Variants in UGT1A8 observed in about 807,000 individuals in gnomAD.
The protein encoded by UGT1A8 is UDP glucuronosyltransferase family 1 member A8, also known as UDP-glucuronosyltransferase 1A8.
In UGT1A8, 39 loss-of-function variants were observed where a neutral mutation model predicts 45.3. The observed-to-expected ratio is 0.86, with a 90% CI of 0.67 to 1.12. The LOEUF is 1.12. UGT1A8 is among the 50% of genes most tolerant of loss of function. The probability of loss-of-function intolerance (pLI) is 0.00; values close to 1 mark genes in which losing one functional copy is unlikely to be tolerated. For synonymous variants in UGT1A8, 275 were observed against 249.2 expected (o/e 1.10, Z -0.97); for missense variants, 719 against 664.9 (o/e 1.08, Z -0.90).
chr2:233,618,623 T>C, intron 1 of UGT1A8, 61 bp downstream of exon 1: 1 of 1,540,558 alleles, frequency 6.5e-7, no homozygotes, highest in Non-Finnish European at 8.7e-7. Context: ...AAAAAAAGAT[T>C]CCTTACTGAA....
At chr2:233,661,244 G>C (rs1316437613) in intron 1 of UGT1A8, among the ~76,000 whole-genome samples, 2 of 151,656 alleles carry the variant, frequency 1.3e-5, no homozygotes, top group Non-Finnish European at 2.9e-5. Flanking sequence ...TTTTGGTCTT[G>C]AATTTGTTGA....
At chr2:233,688,902 G>C (rs1305603391) in intron 1 of UGT1A8, among the ~76,000 whole-genome samples, 2 of 152,140 alleles carry the variant, frequency 1.3e-5, no homozygotes, top group African/African-American at 2.4e-5. Flanking sequence ...AGAAGTTGGG[G>C]GGATGGTGTG....
intron 1 of UGT1A8, chr2:233,740,811 C>T (rs1350970609): frequency 1.3e-5 from 2 of 151,872 alleles, no homozygotes; most frequent in Admixed American, 1.3e-4. Flanking sequence ...TAGCACTGTT[C>T]TGTTTTTGAG....
chr2:233,741,661 C>T (rs1691734186), intron 1 of UGT1A8: 1 of 151,910 alleles, frequency 6.6e-6, no homozygotes, highest in African/African-American at 2.4e-5. Flanking sequence ...CTGCCATGTT[C>T]CTGCTGTTTA....
At chr2:233,643,828 G>T (rs2073527308) in intron 1 of UGT1A8, among the ~76,000 whole-genome samples, 1 of 152,162 alleles carries the variant, frequency 6.6e-6, no homozygotes, top group Admixed American at 6.5e-5. Context: ...CCCAGGGTGT[G>T]TTCAGAAATG....
chr2:233,736,925 G>A lies in UGT1A8; in HGVS notation c.856-30109G>A, dbSNP rs188632907. Among the ~76,000 whole-genome samples, 72 of 152,232 alleles carry A rather than the reference G, an allele frequency of 4.7e-4. 1 individual carries two copies. The Middle Eastern group carries it at 0.014, about 29-fold the overall frequency. On this transcript the variant is annotated intron_variant, in intron 1 of 4. Coordinates refer to ENST00000373450, the MANE Select transcript of UGT1A8 (RefSeq NM_019076.5). ...CCTCTGGAAGCTTCATACCAGAGGC[G>A]CACCCACCTATATGAGGTGTCTGTT...
chr2:233,630,830 C>G (rs2073173329), intron 1 of UGT1A8, among the ~76,000 whole-genome samples: 1 of 147,692 alleles, frequency 6.8e-6, no homozygotes. Flanking sequence ...TTTTCCTGCT[C>G]TAAAACTCTT....
Position 233,618,261 on chromosome 2 carries a change from C to T in UGT1A8, c.554C>T (p.Ala185Val), listed in dbSNP as rs1559310363. The T allele has an allele frequency of 3.1e-6, 5 of 1,613,932 alleles. No homozygotes were observed. Among genetic ancestry groups the T allele is most frequent in the Non-Finnish European group, 4.2e-6 (5 of 1,179,862 alleles). ...CTTGAAGAAGGTGCACAGTGCCCTG[C>T]TCCTCTTTCCTATGTCCCCAGAATT... ...HYLEEGAQCPAPLSYVPRILL... is the reference protein window; with the variant it reads ...HYLEEGAQCPVPLSYVPRILL... Residue 185 changes from alanine (A) to valine (V), a missense_variant, in exon 1 of 5, where the codon GCT (alanine) becomes GTT (valine). Coordinates refer to ENST00000373450, the MANE Select transcript of UGT1A8 (RefSeq NM_019076.5).
At position 233,743,134 on chromosome 2, in the gene UGT1A8, TA is replaced by T. The variant is rs919324462; in HGVS notation, c.856-23893del. 39 of 357,156 alleles carry T rather than the reference TA, an allele frequency of 1.1e-4. 1 individual carries two copies. The highest frequency in any genetic ancestry group is 8.0e-4 in the African/African-American group (37 of 46,406). 22.1% of individuals were successfully genotyped at this position (357,156 alleles called of 1,614,324 possible). Reference sequence around the variant, plus strand: ...TGAAAGTAAAGTTCACTTTCAATCCTAAAAAAAGTCCGCTATTCCTCCAGAT... The same window carrying T: ...TGAAAGTAAAGTTCACTTTCAATCCTAAAAAAGTCCGCTATTCCTCCAGAT... On this transcript the variant is annotated intron_variant, in intron 1 of 4. Coordinates refer to ENST00000373450, the MANE Select transcript of UGT1A8 (RefSeq NM_019076.5).
chr2:233,646,157 C>G lies in UGT1A8; in HGVS notation c.855+27595C>G, dbSNP rs369620134. On this transcript the variant is annotated intron_variant, in intron 1 of 4. Coordinates refer to ENST00000373450, the MANE Select transcript of UGT1A8 (RefSeq NM_019076.5). ...CATGGTGTGAGCTGTACTTTGGCTC[C>G]TTTTGGACACAGCTGGAGCAGTTGG... 1.6e-4 allele frequency among the ~76,000 whole-genome samples: 25 copies of G among 152,316 alleles called. No homozygotes were observed. In the East Asian group the frequency reaches 3.5e-3, roughly 21 times the overall value.
intron 1 of UGT1A8, among the ~76,000 whole-genome samples, chr2:233,681,210 C>CT (rs1310852061): frequency 6.6e-6 from 1 of 151,926 alleles, no homozygotes; most frequent in Non-Finnish European, 1.5e-5. Flanking sequence ...ATGCCAATTT[C>CT]TTTCTGGGCA....
intron 1 of UGT1A8, among the ~76,000 whole-genome samples, chr2:233,737,949 C>A (rs965025739): frequency 6.6e-6 from 1 of 151,968 alleles, no homozygotes; most frequent in African/African-American, 2.4e-5. Context: ...GACTGTTTCC[C>A]AACATGAGGT....
Position 233,768,074 on chromosome 2 carries a change from G to A in UGT1A8, c.1075+138G>A. ...CCTACATTGCTTTTTATCTAGTGGG[G>A]TATCTCAACCCACATTTTCTTCTGC... On this transcript the variant is annotated intron_variant, in intron 3 of 4. Transcript: ENST00000373450. The A allele has an allele frequency of 5.0e-6, 8 of 1,593,840 alleles. No homozygotes were observed. In the South Asian group the frequency reaches 5.6e-5, roughly 11 times the overall value.
chr2:233,733,184 C>T (rs531728542), intron 1 of UGT1A8, among the ~76,000 whole-genome samples: 42 of 152,276 alleles, frequency 2.8e-4, no homozygotes, highest in South Asian at 8.3e-4. Context: ...GCTGAAGTTG[C>T]TTATCAGCTT....
At chr2:233,622,022 T>A (rs1422529841) in intron 1 of UGT1A8, among the ~76,000 whole-genome samples, 1 of 152,188 alleles carries the variant, frequency 6.6e-6, no homozygotes, top group Non-Finnish European at 1.5e-5. Flanking sequence ...AGAACGATAG[T>A]TTCCAACTTC....
intron 1 of UGT1A8, chr2:233,722,007 A>C: frequency 7.7e-6 from 2 of 258,328 alleles, no homozygotes; most frequent in Non-Finnish European, 1.5e-5. Context: ...TTAAGTGAAC[A>C]GGAAAACTGA....
In UGT1A8 at chr2:233,710,287, G is replaced by A. The variant is rs1349659721; in HGVS notation, c.856-56747G>A. On this transcript the variant is annotated intron_variant, in intron 1 of 4. Coordinates refer to ENST00000373450, the MANE Select transcript of UGT1A8 (RefSeq NM_019076.5). ...TTTTCTTGGGTAAATACTTAAAAGT[G>A]GGATTGTTGGGTTGCATGGTAGGTG... is the stretch of plus-strand genomic sequence containing the variant. Among the ~76,000 whole-genome samples, 3 of 152,190 alleles carry A rather than the reference G, an allele frequency of 2.0e-5. No homozygotes were observed. In the East Asian group the frequency reaches 5.8e-4, roughly 29 times the overall value.
chr2:233,669,461 T>G (rs1436682180), intron 1 of UGT1A8, among the ~76,000 whole-genome samples: 4 of 152,202 alleles, frequency 2.6e-5, no homozygotes, highest in African/African-American at 7.2e-5. Flanking sequence ...ATCTATTTAT[T>G]CAGGTCTCTC....
At chr2:233,757,019 A>C (rs1245211871) in intron 1 of UGT1A8, among the ~76,000 whole-genome samples, 4 of 151,834 alleles carry the variant, frequency 2.6e-5, no homozygotes, top group African/African-American at 9.7e-5. Context: ...CAGTTTGAAC[A>C]AAGCAATTTG....
Sources: gnomAD v4.1 joint callset for allele counts (sites outside exome capture counted in the v4.1 genomes callset) on GRCh38, gnomAD v4.1.1 for gene constraint, MANE v1.5 for transcripts, NCBI Gene and HGNC (gene_info 2026-07-23, HGNC 2026-07-21) for gene names.